KCNB2: variants seen among roughly 807,000 people sequenced by gnomAD.
KCNB2 encodes delayed rectifier potassium channel protein.
Under a neutral mutation model 61.5 loss-of-function variants are expected in KCNB2, and 15 were observed. The ratio of observed to expected loss-of-function variants is 0.24; its 90% confidence interval spans 0.16 to 0.38. KCNB2 has a LOEUF of 0.38. Ranked by LOEUF, KCNB2 falls within the 10% of genes least tolerant of loss-of-function variation. The pLI, the probability that KCNB2 is intolerant of heterozygous loss-of-function variation, is 1.00. For synonymous variants in KCNB2, 457 were observed against 446.0 expected, an observed-to-expected ratio of 1.02 and a Z score of -0.31; for missense variants, 828 against 1,125.2, an observed-to-expected ratio of 0.74 and a Z score of 3.78.
chr8:72,793,890 A>C (rs1290626262), intron 2 of KCNB2, among the ~76,000 whole-genome samples: 1 of 152,192 alleles, frequency 6.6e-6, no homozygotes, highest in Non-Finnish European at 1.5e-5. Flanking sequence ...TTCATCAGAG[A>C]GTTTCAACAT....
chr8:72,546,814 T>A (rs1806266493), intron 1 of KCNB2, among the ~76,000 whole-genome samples: 2 of 152,062 alleles, frequency 1.3e-5, no homozygotes, highest in Non-Finnish European at 2.9e-5. Context: ...TTATTGAAAA[T>A]TTCTTTAATT....
intron 2 of KCNB2, among the ~76,000 whole-genome samples, chr8:72,923,189 A>T (rs956275364): frequency 6.6e-6 from 1 of 152,110 alleles, no homozygotes; most frequent in Admixed American, 6.6e-5. Flanking sequence ...TGAAGCCTTC[A>T]GGTAGAAGGC....
chr8:72,659,167 A>T (rs558692375), intron 2 of KCNB2, among the ~76,000 whole-genome samples: 1 of 152,228 alleles, frequency 6.6e-6, no homozygotes, highest in African/African-American at 2.4e-5. Context: ...TGATGCCATT[A>T]GGAATATTCA....
intron 2 of KCNB2, among the ~76,000 whole-genome samples, chr8:72,820,647 A>T (rs1022137835): frequency 2.0e-5 from 3 of 151,974 alleles, no homozygotes; most frequent in Non-Finnish European, 2.9e-5. Context: ...AATAGATTGT[A>T]GTGAATCTTA....
At chr8:72,581,052 C>A (rs1806884955) in intron 2 of KCNB2, among the ~76,000 whole-genome samples, 1 of 152,190 alleles carries the variant, frequency 6.6e-6, no homozygotes, top group Non-Finnish European at 1.5e-5. Context: ...GTGTTGCAGA[C>A]TACCAACCAT....
At chr8:72,569,327 G>A (rs145935447) in intron 2 of KCNB2, among the ~76,000 whole-genome samples, 463 of 152,166 alleles carry the variant, frequency 3.0e-3, no homozygotes, top group Non-Finnish European at 3.8e-3. Context: ...ATCTTCTCTC[G>A]TGAACAGTAA....
chr8:72,768,529 CA>C (rs1249175671), intron 2 of KCNB2, among the ~76,000 whole-genome samples: 1 of 151,928 alleles, frequency 6.6e-6, no homozygotes, highest in African/African-American at 2.4e-5. Context: ...ATATGCAGCA[CA>C]AAAGCTTTTT....
At chr8:72,900,232 A>G (rs905735609) in intron 2 of KCNB2, among the ~76,000 whole-genome samples, 1 of 152,200 alleles carries the variant, frequency 6.6e-6, no homozygotes, top group African/African-American at 2.4e-5. Flanking sequence ...GCTGACAAAA[A>G]CAAGAAATAA....
At chr8:72,661,745 C>T (rs1376468411) in intron 2 of KCNB2, among the ~76,000 whole-genome samples, 1 of 152,120 alleles carries the variant, frequency 6.6e-6, no homozygotes, top group East Asian at 1.9e-4. Context: ...TGTGTTGATG[C>T]ATCTTCTAAA....
intron 2 of KCNB2, among the ~76,000 whole-genome samples, chr8:72,704,231 T>A (rs1807180435): frequency 6.6e-6 from 1 of 152,212 alleles, no homozygotes; most frequent in African/African-American, 2.4e-5. Flanking sequence ...ACTACCAAAG[T>A]GGAATGGCAT....
In KCNB2 at chr8:72,916,342, G is replaced by A. The variant is rs1426251731; in HGVS notation, c.580-19593G>A. Among the ~76,000 whole-genome samples the A allele has an allele frequency of 5.3e-5, 8 of 152,268 alleles. No individual in the cohort carries two copies. In the East Asian group the frequency reaches 5.8e-4, roughly 11 times the overall value. ...GCACAGATGCTGGAACTAGCCAGCT[G>A]CTTCACTGGTGGCAGGAGCAGACTC... On this transcript the variant is annotated intron_variant, in intron 2 of 2. Coordinates refer to ENST00000523207, the MANE Select transcript of KCNB2 (RefSeq NM_004770.3).
At chr8:72,834,695 A>G (rs1809753052) in intron 2 of KCNB2, among the ~76,000 whole-genome samples, 1 of 152,170 alleles carries the variant, frequency 6.6e-6, no homozygotes, top group Non-Finnish European at 1.5e-5. Flanking sequence ...ACTAGTATTA[A>G]TTGATAGAAA....
intron 2 of KCNB2, among the ~76,000 whole-genome samples, chr8:72,703,739 T>A (rs1807172026): frequency 6.6e-6 from 1 of 152,148 alleles, no homozygotes; most frequent in African/African-American, 2.4e-5. Context: ...AATCTCACTG[T>A]AATAGGTGGC....
intron 2 of KCNB2, among the ~76,000 whole-genome samples, chr8:72,606,179 G>A (rs1188299199): frequency 1.3e-5 from 2 of 152,026 alleles, no homozygotes; most frequent in African/African-American, 4.8e-5. Flanking sequence ...CTGGGAATTA[G>A]TCCTAAGGAA....
intron 2 of KCNB2, among the ~76,000 whole-genome samples, chr8:72,868,224 C>G (rs1349694991): frequency 6.6e-6 from 1 of 151,568 alleles, no homozygotes; most frequent in Non-Finnish European, 1.5e-5. Context: ...ACATAAGCCA[C>G]TGCACCCAGC....
chr8:72,740,326 A>G (rs966210667), intron 2 of KCNB2, among the ~76,000 whole-genome samples: 14 of 152,188 alleles, frequency 9.2e-5, no homozygotes, highest in Admixed American at 9.2e-4. Context: ...TAGGGGATAT[A>G]AACAGGGACC....
chr8:72,777,294 G>A (rs1344964016), intron 2 of KCNB2, among the ~76,000 whole-genome samples: 1 of 152,164 alleles, frequency 6.6e-6, no homozygotes, highest in Non-Finnish European at 1.5e-5. Flanking sequence ...GACATTTCAT[G>A]AACCAGTATG....
intron 2 of KCNB2, among the ~76,000 whole-genome samples, chr8:72,644,800 A>G: frequency 6.6e-6 from 1 of 152,122 alleles, no homozygotes; most frequent in African/African-American, 2.4e-5. Context: ...GAAGCCTGTG[A>G]GCTTGTTTCT....
chr8:72,604,015 T>A (rs964509049), intron 2 of KCNB2, among the ~76,000 whole-genome samples: 28 of 152,268 alleles, frequency 1.8e-4, no homozygotes, highest in Admixed American at 1.8e-3. Flanking sequence ...GGTTTTGGAC[T>A]TCTAGCCTCC....
Sources: gnomAD v4.1 joint callset for allele counts (sites outside exome capture counted in the v4.1 genomes callset) on GRCh38, gnomAD v4.1.1 for gene constraint, MANE v1.5 for transcripts, NCBI Gene and HGNC (gene_info 2026-07-23, HGNC 2026-07-21) for gene names.